Variants in ACTR3C observed in about 807,000 individuals in gnomAD.
ACTR3C encodes the protein actin related protein 3C.
A neutral mutation model predicts 26.3 loss-of-function variants in ACTR3C; 18 were observed. That is an observed-to-expected ratio of 0.68 (90% CI 0.47 to 1.01). The LOEUF (loss-of-function observed/expected upper bound fraction) is 1.01. Among genes scored for constraint, ACTR3C ranks in the 50% least tolerant of loss-of-function variants. The probability of loss-of-function intolerance (pLI) is 0.00; values close to 1 mark genes in which losing one functional copy is unlikely to be tolerated. For synonymous variants in ACTR3C, 55 were observed against 94.5 expected, an observed-to-expected ratio of 0.58 and a Z score of 2.42; for missense variants, 184 against 250.7, an observed-to-expected ratio of 0.73 and a Z score of 1.80.
the ACTR3C span, among the ~76,000 whole-genome samples, chr7:150,041,927 C>G: frequency 6.7e-6 from 1 of 148,396 alleles, no homozygotes; most frequent in African/African-American, 2.5e-5. Context: ...GGAAGAGGGT[C>G]TGGCTCTCAG....
the ACTR3C span, among the ~76,000 whole-genome samples, chr7:149,968,279 C>G: frequency 6.6e-6 from 1 of 152,232 alleles, no homozygotes; most frequent in Non-Finnish European, 1.5e-5. Context: ...GGCACGGTGT[C>G]TCACGCCTGT....
chr7:150,080,700 C>G, the ACTR3C span, among the ~76,000 whole-genome samples: 2 of 152,116 alleles, frequency 1.3e-5, no homozygotes, highest in East Asian at 1.9e-4. Context: ...CACTCAGACT[C>G]CACAGGAAAA....
chr7:150,139,479 A>ACCTG, the ACTR3C span, among the ~76,000 whole-genome samples: 3 of 152,380 alleles, frequency 2.0e-5, no homozygotes, highest in South Asian at 6.2e-4. Flanking sequence ...CTGGCTAGGG[A>ACCTG]GTTCCTGCCT....
At chr7:150,092,813 C>G in the ACTR3C span, among the ~76,000 whole-genome samples, 1 of 151,244 alleles carries the variant, frequency 6.6e-6, no homozygotes, top group South Asian at 2.1e-4. Context: ...ACTCTCTCCT[C>G]TGCCCACACA....
At chr7:150,179,659 T>C in the ACTR3C span, among the ~76,000 whole-genome samples, 2 of 150,992 alleles carry the variant, frequency 1.3e-5, no homozygotes, top group Admixed American at 6.6e-5. Context: ...TACAATTTTA[T>C]TTTTTATTTT....
At chr7:150,115,221 T>C in the ACTR3C span, among the ~76,000 whole-genome samples, 1 of 152,156 alleles carries the variant, frequency 6.6e-6, no homozygotes, top group Non-Finnish European at 1.5e-5. Flanking sequence ...AGTAAAGAAA[T>C]AATATGACAA....
At chr7:149,918,473 C>G in the ACTR3C span, among the ~76,000 whole-genome samples, 1 of 152,194 alleles carries the variant, frequency 6.6e-6, no homozygotes, top group African/African-American at 2.4e-5. Flanking sequence ...GGCGGATCAC[C>G]TGAGGTCGGG....
chr7:150,047,996 G>C, the ACTR3C span: 7 of 1,198,508 alleles, frequency 5.8e-6, no homozygotes, highest in Non-Finnish European at 7.3e-6. Context: ...CAGCGCCGGC[G>C]ACCGCTCCTC....
chr7:150,037,777 C>T, the ACTR3C span, among the ~76,000 whole-genome samples: 37 of 42,066 alleles, frequency 8.8e-4, no homozygotes, highest in East Asian at 4.9e-3. Context: ...GCCTCCCCCT[C>T]CTGCGATGGG....
the ACTR3C span, among the ~76,000 whole-genome samples, chr7:149,889,691 C>G: frequency 6.6e-6 from 1 of 152,092 alleles, no homozygotes; most frequent in Non-Finnish European, 1.5e-5. Context: ...ACCCCATCTC[C>G]ACAAAAAATT....
chr7:150,196,222 C>T, the ACTR3C span, among the ~76,000 whole-genome samples: 1 of 152,162 alleles, frequency 6.6e-6, no homozygotes, highest in Non-Finnish European at 1.5e-5. Context: ...CTTTGTCATA[C>T]TTTTGGGGTT....
At chr7:150,087,182 T>TA in the ACTR3C span, among the ~76,000 whole-genome samples, 809 of 129,340 alleles carry the variant, frequency 6.3e-3, 5 homozygotes, top group Middle Eastern at 0.022. Flanking sequence ...TGAATTTGTT[T>TA]AAAAAAAAAA....
At chr7:150,072,827 G>C in the ACTR3C span, among the ~76,000 whole-genome samples, 3,381 of 144,910 alleles carry the variant, frequency 0.023, no homozygotes, top group African/African-American at 0.034. Context: ...AGAGGAGGAG[G>C]TGAAGGAAGA....
the ACTR3C span, among the ~76,000 whole-genome samples, chr7:150,161,469 G>GT: frequency 1.3e-5 from 2 of 151,634 alleles, no homozygotes; most frequent in African/African-American, 4.9e-5. Context: ...GCAGTGTTTG[G>GT]TTTTTTGTCC....
At chr7:150,235,326 G>C in the ACTR3C span, among the ~76,000 whole-genome samples, 1 of 151,792 alleles carries the variant, frequency 6.6e-6, no homozygotes, top group Non-Finnish European at 1.5e-5. Flanking sequence ...GGAGGTGAGG[G>C]GTCCTCAACA....
At chr7:150,292,567 C>A (rs1836357076) in intron 3 of ACTR3C, among the ~76,000 whole-genome samples, 1 of 148,060 alleles carries the variant, frequency 6.8e-6, no homozygotes, top group Non-Finnish European at 1.5e-5. Flanking sequence ...ATGGCGCGAT[C>A]TCGGCTCACT....
chr7:150,080,098 G>A, the ACTR3C span, among the ~76,000 whole-genome samples: 1 of 152,160 alleles, frequency 6.6e-6, no homozygotes, highest in Non-Finnish European at 1.5e-5. Context: ...TGACAGCTAA[G>A]TAGGAGAAAA....
the ACTR3C span, among the ~76,000 whole-genome samples, chr7:150,154,053 T>C: frequency 7.7e-6 from 1 of 130,350 alleles, no homozygotes; most frequent in African/African-American, 2.9e-5. Flanking sequence ...AAGGGGAACA[T>C]CACACTCTGG....
the ACTR3C span, among the ~76,000 whole-genome samples, chr7:149,987,281 A>G: frequency 6.6e-6 from 1 of 152,194 alleles, no homozygotes; most frequent in Non-Finnish European, 1.5e-5. Context: ...GAAAATTAAC[A>G]GCGGCCAGGC....
Sources: allele counts gnomAD v4.1 joint callset (sites outside exome capture counted in the v4.1 genomes callset), GRCh38; gene constraint gnomAD v4.1.1; transcripts MANE v1.5; gene names NCBI Gene and HGNC (gene_info 2026-07-23, HGNC 2026-07-21).